GOLGB1: variants seen among roughly 807,000 people sequenced by gnomAD.
The protein encoded by GOLGB1 is golgin subfamily B member 1.
GOLGB1 carries 174 observed loss-of-function variants against 336.9 expected under a neutral mutation model. That is an observed-to-expected ratio of 0.52 (90% confidence interval 0.46 to 0.59). GOLGB1 has a LOEUF of 0.59. Among genes scored for constraint, GOLGB1 ranks in the 20% least tolerant of loss-of-function variants. The pLI is 0.00. For synonymous variants in GOLGB1, 1,208 were observed against 1,289.2 expected, an observed-to-expected ratio of 0.94 and a Z score of 1.35; for missense variants, 3,331 against 3,645.3, an observed-to-expected ratio of 0.91 and a Z score of 2.22.
Position 121,694,614 on chromosome 3 carries a change from AC to A in GOLGB1, c.5908del (p.Val1970Ter). The A allele has an allele frequency of 6.2e-7, 1 of 1,612,012 alleles. No individual in the cohort carries two copies. The highest frequency in any genetic ancestry group is 8.5e-7 in the Non-Finnish European group (1 of 1,179,926). On this transcript the variant is annotated frameshift_variant, in exon 13 of 22. Transcript: ENST00000614479. LOFTEE classifies it high-confidence loss of function. ...CTGCTTTTCTTCTTCCAATTCACTC[AC>A]ACACTTTTTAAGGTTCTTCATTTCA... Reference protein sequence around the residue: ...ESEMKNLKKCVSELEEEKQQL... With the variant: ...ESEMKNLKKCXSELEEEKQQL...
In GOLGB1 at chr3:121,695,256, G is replaced by T; in HGVS notation, c.5267C>A (p.Ser1756Tyr). 1 of 1,613,214 alleles carries T rather than the reference G, an allele frequency of 6.2e-7. No individual in the cohort carries two copies. The highest frequency in any genetic ancestry group is 1.1e-5 in the South Asian group (1 of 91,050). ...TAAATCTTGAACCTCTTCACTTAGAGAGTCTTTCTCAGACATTAAAGACTG... is the reference window on the plus strand; with the variant it reads ...TAAATCTTGAACCTCTTCACTTAGATAGTCTTTCTCAGACATTAAAGACTG... ...KFQSLMSEKD[S>Y]LSEEVQDLKH... The change falls in exon 13 of 22, where the codon TCT (serine) becomes TAT (tyrosine). Residue 1756 changes from serine (S) to tyrosine (Y), a missense_variant. Physicochemically the swap from Ser to Tyr is moderately radical, Grantham distance 144. Transcript: ENST00000614479.
chr3:121,727,958 C>G (rs1318784943), intron 4 of GOLGB1, among the ~76,000 whole-genome samples: 1 of 152,022 alleles, frequency 6.6e-6, no homozygotes, highest in African/African-American at 2.4e-5. Flanking sequence ...AAAATGAACT[C>G]TAAGACATTA....
rs776241227 is a variant in GOLGB1 at position 121,729,286 on chromosome 3, C to T, written c.304G>A (p.Ala102Thr). ...TATTTATTCAAAGAAGTTAATTTGG[C>T]CTTCGCATGAAGTTTTAGTTTTTTA... Reference protein sequence around the residue: ...KIKKLKLHAKAKLTSLNKYIE... With the variant: ...KIKKLKLHAKTKLTSLNKYIE... Residue 102 changes from alanine (A) to threonine (T), a missense_variant, in exon 4 of 22, where the codon GCC becomes ACC. Transcript: ENST00000614479. The T allele has an allele frequency of 2.5e-6, 4 of 1,612,628 alleles. No individual in the cohort carries two copies. The highest frequency in any genetic ancestry group is 2.2e-5 in the East Asian group (1 of 44,848).
chr3:121,682,268 T>A lies in GOLGB1; in HGVS notation c.8695-403A>T, dbSNP rs553186727. 2.6e-5 allele frequency among the ~76,000 whole-genome samples: 4 copies of A among 152,338 alleles called. No homozygotes were observed. In the East Asian group the frequency reaches 7.7e-4, roughly 29 times the overall value. On this transcript the variant is annotated intron_variant, in intron 14 of 21. Coordinates refer to ENST00000614479, the MANE Select transcript of GOLGB1 (RefSeq NM_001366282.2). ...AGGGTTCTTAACTTTCCTACAGGGC[T>A]ATCAATCTTAACTGTAGCTTAGCGG...
intron 1 of GOLGB1, among the ~76,000 whole-genome samples, chr3:121,735,733 T>C (rs1576470698): frequency 6.6e-6 from 1 of 152,196 alleles, no homozygotes; most frequent in African/African-American, 2.4e-5. Context: ...GAAATAAGTA[T>C]AGATATGTAT....
At chr3:121,707,599 C>T (rs1248404776) in intron 10 of GOLGB1, among the ~76,000 whole-genome samples, 3 of 148,916 alleles carry the variant, frequency 2.0e-5, no homozygotes, top group Admixed American at 6.8e-5. Flanking sequence ...TGCCACTGCA[C>T]TGTAGCCTGG....
chr3:121,668,252 C>T (rs761235655), intron 18 of GOLGB1, 94 bp from the exon 19 acceptor site: 21 of 647,124 alleles, frequency 3.2e-5, no homozygotes, highest in African/African-American at 1.5e-4. Context: ...GGACTATCCC[C>T]GCTTATAATT....
chr3:121,747,385 G>A (rs1044392165), intron 1 of GOLGB1, among the ~76,000 whole-genome samples: 19 of 139,264 alleles, frequency 1.4e-4, no homozygotes, highest in Middle Eastern at 3.8e-3. Context: ...GTCTATATAC[G>A]TATATATATA....
At chr3:121,666,270 TC>T (rs1472253259) in intron 20 of GOLGB1, among the ~76,000 whole-genome samples, 1 of 152,210 alleles carries the variant, frequency 6.6e-6, no homozygotes, top group Non-Finnish European at 1.5e-5. Flanking sequence ...CCATTCTGCA[TC>T]AGAGCTAAAG....
intron 6 of GOLGB1, among the ~76,000 whole-genome samples, chr3:121,721,349 CA>C (rs937511244): frequency 3.9e-5 from 6 of 151,902 alleles, no homozygotes; most frequent in South Asian, 4.2e-4. Context: ...CCCCACCCCC[CA>C]AAAAAAATTA....
At chr3:121,680,449 G>A (rs971059973) in intron 15 of GOLGB1, among the ~76,000 whole-genome samples, 2 of 152,112 alleles carry the variant, frequency 1.3e-5, no homozygotes, top group South Asian at 2.1e-4. Context: ...TTAAACAAGC[G>A]ATTACTAACA....
chr3:121,667,600 C>T lies in GOLGB1; in HGVS notation c.9430G>A (p.Ala3144Thr), dbSNP rs750573912. The T allele has an allele frequency of 6.2e-7, 1 of 1,613,628 alleles. No individual in the cohort carries two copies. The highest frequency in any genetic ancestry group is 1.1e-5 in the South Asian group (1 of 91,030). ...LREPQQSFSE[A>T]QQQLCNTRQE... ...CTGGTGTTGCATAGCTGCTGCTGAG[C>T]TTCAGAAAAGCTTTAGGATGAGAGG... Residue 3144 changes from alanine (A) to threonine (T), a missense_variant, in exon 20 of 22, where the codon GCT becomes ACT. Coordinates refer to ENST00000614479, the MANE Select transcript of GOLGB1 (RefSeq NM_001366282.2).
chr3:121,708,443 C>G (rs1944072467), intron 10 of GOLGB1, among the ~76,000 whole-genome samples: 1 of 151,764 alleles, frequency 6.6e-6, no homozygotes, highest in Admixed American at 6.6e-5. Flanking sequence ...TGAGGCCAGC[C>G]TGGGCAACAT....
Position 121,697,623 on chromosome 3 carries a change from T to A in GOLGB1, c.2900A>T (p.Asn967Ile). ...DNEVSSGLKQ[N>I]YDEMSPAGQI... ...TCCTGCTGGGCTCATCTCATCATAA[T>A]TTTGTTTAAGGCCAGAAGAAACTTC... Residue 967 changes from asparagine (N) to isoleucine (I), a missense_variant, in exon 13 of 22, where the codon AAT (asparagine) becomes ATT (isoleucine). By Grantham distance (149) the Asn-to-Ile change is moderately radical. Coordinates refer to ENST00000614479, the MANE Select transcript of GOLGB1 (RefSeq NM_001366282.2). 2 of 1,612,908 alleles carry A rather than the reference T, an allele frequency of 1.2e-6. No individual in the cohort carries two copies. The highest frequency in any genetic ancestry group is 8.5e-7 in the Non-Finnish European group (1 of 1,179,868).
Position 121,719,774 on chromosome 3 carries a change from G to GAC in GOLGB1, c.649-8_649-7dup. Reference sequence around the variant, plus strand: ...ACCTGCTGCATGGAACTCAACTGAAGACACATACCAGAGAAACTATGCAAG... The same window carrying GAC: ...ACCTGCTGCATGGAACTCAACTGAAGACACACATACCAGAGAAACTATGCAAG... On this transcript the variant is annotated splice_region_variant and splice_polypyrimidine_tract_variant and intron_variant, in intron 6 of 21. Coordinates refer to ENST00000614479, the MANE Select transcript of GOLGB1 (RefSeq NM_001366282.2). 1 of 1,590,518 alleles carries GAC rather than the reference G, an allele frequency of 6.3e-7. No individual in the cohort carries two copies.
At chr3:121,671,197 G>A (rs933565768) in intron 17 of GOLGB1, among the ~76,000 whole-genome samples, 1 of 152,208 alleles carries the variant, frequency 6.6e-6, no homozygotes, top group African/African-American at 2.4e-5. Context: ...TAGCTTATAA[G>A]CTACTATATT....
chr3:121,729,240 T>C lies in GOLGB1; in HGVS notation c.350A>G (p.Gln117Arg), dbSNP rs1290912778. The C allele has an allele frequency of 1.9e-6, 3 of 1,613,352 alleles. No individual in the cohort carries two copies. Among genetic ancestry groups the C allele is most frequent in the Admixed American group, 1.7e-5 (1 of 59,992 alleles). Residue 117 changes from glutamine to arginine, a missense_variant, in exon 4 of 22, where the codon CAA becomes CGA. Gln to Arg is a conservative substitution (Grantham distance 43). Transcript: ENST00000614479. ...TTCTGTAGGCAGAACAGTCCCTCCT[T>C]GTGCTTTCATTTCTTCTATGTATTT... ...LNKYIEEMKAQGGTVLPTEPQ... is the reference protein window; with the variant it reads ...LNKYIEEMKARGGTVLPTEPQ...
chr3:121,679,421 G>C (rs911610741), intron 15 of GOLGB1, among the ~76,000 whole-genome samples: 14 of 152,056 alleles, frequency 9.2e-5, no homozygotes, highest in African/African-American at 3.1e-4. Context: ...GGAATGACAT[G>C]GTGGCAAGTT....
Position 121,664,557 on chromosome 3 carries a change from G to A in GOLGB1, c.9718C>T (p.Arg3240Ter), listed in dbSNP as rs781122471. 3 of 1,612,662 alleles carry A rather than the reference G, an allele frequency of 1.9e-6. No homozygotes were observed. The highest frequency in any genetic ancestry group is 2.2e-5 in the East Asian group (1 of 44,868). ...VLRSLCHSRT[R>*]VPLLAAIYFL... is the part of the protein sequence containing the mutation. ...TAGATGGCTGCTAGAAGTGGCACTC[G>A]GGTCCGTGAATGACAGAGTGAACGC... Residue 3240 changes from arginine to a stop codon, truncating the protein, a stop_gained, in exon 22 of 22, where the codon CGA (arginine) becomes TGA (stop). Coordinates refer to ENST00000614479, the MANE Select transcript of GOLGB1 (RefSeq NM_001366282.2). LOFTEE classifies it high-confidence loss of function.
Sources: allele counts gnomAD v4.1 joint callset (sites outside exome capture counted in the v4.1 genomes callset), GRCh38; gene constraint gnomAD v4.1.1; transcripts MANE v1.5; gene names NCBI Gene and HGNC (gene_info 2026-07-23, HGNC 2026-07-21).